ELP3: variants seen among roughly 807,000 people sequenced by gnomAD.
ELP3 encodes the protein elongator acetyltransferase complex subunit 3, also known as elongator complex protein 3.
In ELP3, 56 loss-of-function variants were observed where a neutral mutation model predicts 74.9. The ratio of observed to expected loss-of-function variants is 0.75; its 90% CI spans 0.60 to 0.93. ELP3 has a LOEUF of 0.93. ELP3 is among the 40% of genes least tolerant of loss of function. The probability of loss-of-function intolerance (pLI) is 0.00; values close to 1 mark genes in which losing one functional copy is unlikely to be tolerated. For synonymous variants in ELP3, 222 were observed against 239.8 expected, an observed-to-expected ratio of 0.93 and a Z score of 0.68; for missense variants, 573 against 686.5, an observed-to-expected ratio of 0.83 and a Z score of 1.85.
At chr8:28,168,130 C>A (rs193274548) in intron 14 of ELP3, among the ~76,000 whole-genome samples, 1 of 152,280 alleles carries the variant, frequency 6.6e-6, no homozygotes, top group East Asian at 1.9e-4. Flanking sequence ...TGTAGTACAC[C>A]GCACATCAAG....
intron 5 of ELP3, among the ~76,000 whole-genome samples, chr8:28,108,437 T>C (rs948646395): frequency 3.3e-5 from 5 of 150,330 alleles, no homozygotes; most frequent in Admixed American, 6.7e-5. Context: ...CATTGTCTTC[T>C]GGAATTTACA....
intron 14 of ELP3, among the ~76,000 whole-genome samples, chr8:28,188,323 A>G (rs1000740302): frequency 2.0e-5 from 3 of 152,038 alleles, no homozygotes; most frequent in African/African-American, 7.2e-5. Context: ...TAGAGCTCCT[A>G]AAACCCTTGT....
intron 9 of ELP3, 96 bp downstream of exon 9, chr8:28,132,500 G>A: frequency 6.6e-7 from 1 of 1,512,674 alleles, no homozygotes; most frequent in East Asian, 2.3e-5. Flanking sequence ...GTTTTCCAGT[G>A]TTAAAGAAAT....
At chr8:28,154,289 C>G (rs1813746915) in intron 10 of ELP3, among the ~76,000 whole-genome samples, 1 of 152,234 alleles carries the variant, frequency 6.6e-6, no homozygotes, top group African/African-American at 2.4e-5. Flanking sequence ...GAACCTAACC[C>G]TGTATATCCC....
At chr8:28,125,959 C>T (rs1162528213) in intron 7 of ELP3, among the ~76,000 whole-genome samples, 1 of 152,042 alleles carries the variant, frequency 6.6e-6, no homozygotes, top group Non-Finnish European at 1.5e-5. Flanking sequence ...TGAAGAGAGA[C>T]CTCCTATGTT....
chr8:28,126,749 G>C (rs1360058941), intron 7 of ELP3, among the ~76,000 whole-genome samples: 1 of 152,166 alleles, frequency 6.6e-6, no homozygotes, highest in Non-Finnish European at 1.5e-5. Flanking sequence ...GCACAGATTG[G>C]TTGAAAGCCT....
chr8:28,152,937 G>T (rs1340556264), intron 10 of ELP3, among the ~76,000 whole-genome samples: 1 of 152,204 alleles, frequency 6.6e-6, no homozygotes, highest in African/African-American at 2.4e-5. Flanking sequence ...TATGGTATGA[G>T]GTAGGGGTCC....
intron 10 of ELP3, among the ~76,000 whole-genome samples, chr8:28,142,760 A>G (rs1166998923): frequency 6.6e-6 from 1 of 152,174 alleles, no homozygotes; most frequent in Non-Finnish European, 1.5e-5. Context: ...TAGTACAAAG[A>G]CTAATATGTT....
chr8:28,158,144 C>T (rs183161861), intron 11 of ELP3, among the ~76,000 whole-genome samples: 3 of 151,322 alleles, frequency 2.0e-5, no homozygotes, highest in Non-Finnish European at 4.4e-5. Context: ...TGTTAACTGC[C>T]GTAAAATGGA....
chr8:28,110,489 A>C, intron 6 of ELP3, 51 bp downstream of exon 6: 2 of 1,410,126 alleles, frequency 1.4e-6, no homozygotes, highest in Non-Finnish European at 2.0e-6. Context: ...TATACTTAGT[A>C]AGAAGCCATT....
In ELP3 at chr8:28,123,826, C is replaced by CTGTCACAG. The variant is rs1230539168; in HGVS notation, c.618-5676_618-5675insTGTCACAG. ...TGCAGTTTACTTGGTGTTAATTTAGCCGTCATGTGCTTACTGTTTGCCCTG... is the reference window on the plus strand; with the variant it reads ...TGCAGTTTACTTGGTGTTAATTTAGCTGTCACAGCGTCATGTGCTTACTGTTTGCCCTG... On this transcript the variant is annotated intron_variant, in intron 7 of 14. Transcript: ENST00000256398. Among the ~76,000 whole-genome samples the CTGTCACAG allele has an allele frequency of 2.4e-3, 201 of 84,860 alleles. 1 individual carries two copies. Among genetic ancestry groups the CTGTCACAG allele is most frequent in the South Asian group, 4.5e-3 (12 of 2,658 alleles). 55.7% of individuals were successfully genotyped at this position (84,860 alleles called of 152,430 possible).
chr8:28,102,141 A>G (rs973863733), intron 3 of ELP3, among the ~76,000 whole-genome samples: 4 of 152,100 alleles, frequency 2.6e-5, no homozygotes, highest in Non-Finnish European at 5.9e-5. Context: ...CATCCATTTG[A>G]TGATTTTAGT....
chr8:28,111,233 C>T (rs1279620799), intron 6 of ELP3, among the ~76,000 whole-genome samples: 1 of 152,150 alleles, frequency 6.6e-6, no homozygotes, highest in African/African-American at 2.4e-5. Flanking sequence ...CCATTGTACA[C>T]TTAAAGTTAG....
chr8:28,138,368 C>A (rs944207879), intron 10 of ELP3, among the ~76,000 whole-genome samples: 23 of 152,194 alleles, frequency 1.5e-4, no homozygotes, highest in African/African-American at 5.5e-4. Flanking sequence ...ACAAAATAAT[C>A]TGAACTGCTT....
Position 28,132,344 on chromosome 8 carries a change from G to A in ELP3, c.846G>A (p.Val282=), listed in dbSNP as rs1226455023. 1 of 1,614,100 alleles carries A rather than the reference G, an allele frequency of 6.2e-7. No individual in the cohort carries two copies. The highest frequency in any genetic ancestry group is 1.1e-5 in the South Asian group (1 of 91,070). ...CCAAAGATTCCGGTTTTAAAGTGGTGGCCCATATGATGCCTGACCTGCCAA... is the reference window on the plus strand; with the variant it reads ...CCAAAGATTCCGGTTTTAAAGTGGTAGCCCATATGATGCCTGACCTGCCAA... ...HLAKDSGFKV[V]AHMMPDLPNV... is the part of the protein sequence containing the mutation. The change falls in exon 9 of 15, where the codon GTG becomes GTA. Residue 282 remains valine, a synonymous_variant. Coordinates refer to ENST00000256398, the MANE Select transcript of ELP3 (RefSeq NM_018091.6).
chr8:28,128,481 A>C (rs187407196), intron 7 of ELP3, among the ~76,000 whole-genome samples: 2 of 152,286 alleles, frequency 1.3e-5, no homozygotes, highest in Admixed American at 1.3e-4. Flanking sequence ...GAATCAAAAA[A>C]AAAATTGAGA....
At chr8:28,157,289 CAAAAA>C (rs35938340) in intron 11 of ELP3, among the ~76,000 whole-genome samples, 39 of 106,762 alleles carry the variant, frequency 3.7e-4, no homozygotes, top group African/African-American at 1.2e-3. Context: ...AAAAGCATGC[CAAAAA>C]AAAAAAAAAA....
intron 7 of ELP3, among the ~76,000 whole-genome samples, chr8:28,114,385 G>T (rs1465286718): frequency 6.6e-6 from 1 of 152,124 alleles, no homozygotes; most frequent in Non-Finnish European, 1.5e-5. Context: ...AGGTTTAATT[G>T]GTTCCAGTTC....
intron 14 of ELP3, among the ~76,000 whole-genome samples, chr8:28,184,071 C>T (rs1218831363): frequency 6.6e-6 from 1 of 152,224 alleles, no homozygotes; most frequent in Non-Finnish European, 1.5e-5. Context: ...GGGATCAGAG[C>T]AGAGCAAGGC....
Sources: allele counts gnomAD v4.1 joint callset (sites outside exome capture counted in the v4.1 genomes callset), GRCh38; gene constraint gnomAD v4.1.1; transcripts MANE v1.5; gene names NCBI Gene and HGNC (gene_info 2026-07-23, HGNC 2026-07-21).